The following CDH3 variants were observed in gnomAD, a reference collection of about 807,000 sequenced individuals.
The protein encoded by CDH3 is cadherin-3.
CDH3 carries 54 observed loss-of-function variants against 82.0 expected under a neutral mutation model. The ratio of observed to expected loss-of-function variants is 0.66; its 90% CI spans 0.53 to 0.83. The LOEUF (loss-of-function observed/expected upper bound fraction) is 0.83. CDH3 is among the 40% of genes least tolerant of loss of function. The pLI, the probability that CDH3 is intolerant of heterozygous loss-of-function variation, is 0.00. For missense variants in CDH3, 1,054 were observed against 1,084.6 expected, an observed-to-expected ratio of 0.97 and a Z score of 0.40; for synonymous variants, 446 against 437.9, an observed-to-expected ratio of 1.02 and a Z score of -0.23.
At chr16:68,670,116 C>T (rs1383865616) in intron 2 of CDH3, among the ~76,000 whole-genome samples, 3 of 149,162 alleles carry the variant, frequency 2.0e-5, no homozygotes, top group South Asian at 2.1e-4. Context: ...CCCAGCTACT[C>T]GGGAGGCTGA....
At chr16:68,714,308 G>A (rs1323473100) in intron 1 of CDH3, among the ~76,000 whole-genome samples, 3 of 152,086 alleles carry the variant, frequency 2.0e-5, no homozygotes, top group Non-Finnish European at 2.9e-5. Context: ...CCAGCACCAA[G>A]CACAGGACCT....
intron 1 of CDH3, among the ~76,000 whole-genome samples, chr16:68,711,896 G>A (rs1334570453): frequency 5.9e-5 from 9 of 152,140 alleles, no homozygotes; most frequent in African/African-American, 1.2e-4. Context: ...GCAGCCCAGG[G>A]ATGGAGGAGC....
chr16:68,695,990 C>A lies in CDH3; in HGVS notation c.2280+67C>A, dbSNP rs771042756. On this transcript the variant is annotated intron_variant, in intron 15 of 15. Coordinates refer to ENST00000264012, the MANE Select transcript of CDH3 (RefSeq NM_001793.6). ...GCCCAGCACCAGCCACACAGGAGAA[C>A]AAGCATGGGCCTGGAGTCTTGGGTC... The A allele has an allele frequency of 1.9e-6, 3 of 1,546,666 alleles. No individual in the cohort carries two copies. The Admixed American group carries it at 5.2e-5, about 27-fold the overall frequency.
At chr16:68,659,367 G>A (rs1339427899) in intron 2 of CDH3, among the ~76,000 whole-genome samples, 2 of 152,018 alleles carry the variant, frequency 1.3e-5, no homozygotes, top group African/African-American at 2.4e-5. Flanking sequence ...CCAGGAGTTC[G>A]AGACCAGCCT....
chr16:68,678,887 C>G lies in CDH3; in HGVS notation c.672C>G (p.Val224=). The part of the protein sequence containing the change: ...KFTQDTFRGS[V]LEGVLPGTSV... Reference sequence around the variant, plus strand: ...CCCAGGACACCTTCCGAGGGAGTGTCTTAGAGGGAGTCCTACCAGGTAAGA... The same window carrying G: ...CCCAGGACACCTTCCGAGGGAGTGTGTTAGAGGGAGTCCTACCAGGTAAGA... The change falls in exon 6 of 16, where the codon GTC becomes GTG. Residue 224 remains valine, a synonymous_variant. Coordinates refer to ENST00000264012, the MANE Select transcript of CDH3 (RefSeq NM_001793.6). 6.2e-7 allele frequency: 1 copy of G among 1,613,926 alleles called. No homozygotes were observed. Among genetic ancestry groups the G allele is most frequent in the Non-Finnish European group, 8.5e-7 (1 of 1,180,030 alleles).
chr16:68,648,653 G>A (rs919124877), intron 2 of CDH3, among the ~76,000 whole-genome samples: 3 of 151,940 alleles, frequency 2.0e-5, no homozygotes, highest in Non-Finnish European at 4.4e-5. Flanking sequence ...GTCTCACTAT[G>A]TTGCCCAGAC....
At chr16:68,650,577 A>G (rs1960209751) in intron 2 of CDH3, among the ~76,000 whole-genome samples, 1 of 152,238 alleles carries the variant, frequency 6.6e-6, no homozygotes, top group Non-Finnish European at 1.5e-5. Flanking sequence ...CTGGGATTAC[A>G]GGTGTGAGCC....
intron 2 of CDH3, among the ~76,000 whole-genome samples, chr16:68,659,614 G>A (rs1011543788): frequency 6.6e-6 from 1 of 150,966 alleles, no homozygotes; most frequent in Non-Finnish European, 1.5e-5. Context: ...AGCCCGGGAG[G>A]CAGAGGTTGC....
At chr16:68,663,513 C>T (rs925962232) in intron 2 of CDH3, among the ~76,000 whole-genome samples, 2 of 152,058 alleles carry the variant, frequency 1.3e-5, no homozygotes, top group Non-Finnish European at 1.5e-5. Flanking sequence ...GGATTACAGG[C>T]GTGAGCCACC....
downstream of CDH3, among the ~76,000 whole-genome samples, chr16:68,728,311 G>A (rs1025950568): frequency 2.0e-5 from 3 of 151,932 alleles, no homozygotes; most frequent in Middle Eastern, 3.2e-3. Context: ...GACTGCAGGC[G>A]CCCGCCACCA....
At chr16:68,732,950 C>T in the CDH3 span, among the ~76,000 whole-genome samples, 4 of 16,520 alleles carry the variant, frequency 2.4e-4, no homozygotes, top group African/African-American at 9.4e-4. Context: ...GCTTTAGTGG[C>T]GGGGGTGGGG....
chr16:68,685,253 C>G lies in CDH3; in HGVS notation c.1473C>G (p.Asp491Glu), dbSNP rs1394161554. 2.5e-6 allele frequency: 4 copies of G among 1,614,030 alleles called. No individual in the cohort carries two copies. The highest frequency in any genetic ancestry group is 3.4e-6 in the Non-Finnish European group (4 of 1,180,030). ...DPAGWLAMDP[D>E]SGQVTAVGTL... ...CAGGGTGGCTAGCCATGGACCCAGACAGTGGGCAGGTCACAGCTGTGGGCA... is the reference window on the plus strand; with the variant it reads ...CAGGGTGGCTAGCCATGGACCCAGAGAGTGGGCAGGTCACAGCTGTGGGCA... Residue 491 changes from aspartate (D) to glutamate (E), a missense_variant, in exon 11 of 16, where the codon GAC becomes GAG. Coordinates refer to ENST00000264012, the MANE Select transcript of CDH3 (RefSeq NM_001793.6).
At chr16:68,658,306 C>A (rs571309862) in intron 2 of CDH3, among the ~76,000 whole-genome samples, 80 of 152,196 alleles carry the variant, frequency 5.3e-4, no homozygotes, top group Non-Finnish European at 8.5e-4. Flanking sequence ...TGGGAAGAGA[C>A]CTAATGGTAT....
chr16:68,670,081 G>T lies in CDH3; in HGVS notation c.161-6304G>T, dbSNP rs1372684943. Among the ~76,000 whole-genome samples, 3 of 151,738 alleles carry T rather than the reference G, an allele frequency of 2.0e-5. No individual in the cohort carries two copies. In the East Asian group the frequency reaches 5.8e-4, roughly 29 times the overall value. ...CTACTAAAAATACAAAAAATTAGCC[G>T]GGCCTGGTGGCGGGCGCCTGTAGTC... On this transcript the variant is annotated intron_variant, in intron 2 of 15. Coordinates refer to ENST00000264012, the MANE Select transcript of CDH3 (RefSeq NM_001793.6).
At chr16:68,658,062 C>CTTT (rs113679101) in intron 2 of CDH3, among the ~76,000 whole-genome samples, 14 of 126,140 alleles carry the variant, frequency 1.1e-4, no homozygotes, top group African/African-American at 1.7e-4. Flanking sequence ...CTTTTTCTTT[C>CTTT]TTTTTTTTTT....
chr16:68,732,304 T>C (rs1453888126), downstream of CDH3, among the ~76,000 whole-genome samples: 1 of 152,188 alleles, frequency 6.6e-6, no homozygotes, highest in Non-Finnish European at 1.5e-5. Context: ...GGTTGGACTC[T>C]TCTCAGCAGA....
chr16:68,662,467 C>G (rs1960610901), intron 2 of CDH3, among the ~76,000 whole-genome samples: 1 of 151,938 alleles, frequency 6.6e-6, no homozygotes, highest in Non-Finnish European at 1.5e-5. Context: ...AGACCTTGTC[C>G]CTTTAAAAAA....
At chr16:68,690,829 C>T (rs1175645257) in intron 12 of CDH3, among the ~76,000 whole-genome samples, 1 of 150,850 alleles carries the variant, frequency 6.6e-6, no homozygotes, top group African/African-American at 2.4e-5. Context: ...ATAGCTTGAA[C>T]GTGGGAGGCG....
intron 1 of CDH3, among the ~76,000 whole-genome samples, chr16:68,709,438 A>G (rs975206629): frequency 6.6e-6 from 1 of 152,042 alleles, no homozygotes; most frequent in Admixed American, 6.6e-5. Flanking sequence ...TGACCGGAGA[A>G]GGGTTCATGG....
Sources: allele counts gnomAD v4.1 joint callset (sites outside exome capture counted in the v4.1 genomes callset), GRCh38; gene constraint gnomAD v4.1.1; transcripts MANE v1.5; gene names NCBI Gene and HGNC (gene_info 2026-07-23, HGNC 2026-07-21).